ABTB1: variants seen among roughly 807,000 people sequenced by gnomAD.
ABTB1 encodes ankyrin repeat and BTB domain containing 1.
A neutral mutation model predicts 57.1 loss-of-function variants in ABTB1; 45 were observed. That is an observed-to-expected ratio of 0.79 (90% confidence interval 0.62 to 1.01). The LOEUF is 1.01. Among genes scored for constraint, ABTB1 ranks in the 50% least tolerant of loss-of-function variants. ABTB1 has a pLI of 0.00. For missense variants in ABTB1, 630 were observed against 666.3 expected, an observed-to-expected ratio of 0.95 and a Z score of 0.60; for synonymous variants, 302 against 275.4, an observed-to-expected ratio of 1.10 and a Z score of -0.95.
At position 127,677,256 on chromosome 3, in the gene ABTB1, G is replaced by A; in HGVS notation, c.732G>A (p.Leu244=). 2 of 1,594,692 alleles carry A rather than the reference G, an allele frequency of 1.3e-6. No homozygotes were observed. The highest frequency in any genetic ancestry group is 2.7e-5 in the African/African-American group (2 of 74,768). The change falls in exon 8 of 12, where the codon CTG becomes CTA. Residue 244 remains leucine (L), a synonymous_variant. Transcript: ENST00000232744. ...DPRLREDMAL[L]ADCALPPELR... ...GCCTCCGGGAGGACATGGCGCTGCTGGCCGATTGTGCCCTGCCCCCCGAGC... is the reference window on the plus strand; with the variant it reads ...GCCTCCGGGAGGACATGGCGCTGCTAGCCGATTGTGCCCTGCCCCCCGAGC...
At chr3:127,679,928 T>C (rs1158050788) in intron 10 of ABTB1, 57 bp from the exon 11 acceptor site, 1 of 1,575,556 alleles carries the variant, frequency 6.3e-7, no homozygotes, top group Non-Finnish European at 8.7e-7. Context: ...TTGGCTGTTG[T>C]GCCCTGGGAG....
rs147002334 is a variant in ABTB1, at chr3:127,675,975, C to A, written c.181C>A (p.Arg61Ser). Residue 61 changes from arginine (R) to serine (S), a missense_variant, in exon 4 of 12, where the codon CGC (arginine) becomes AGC (serine). Transcript: ENST00000232744. ...LVLYLLANGARCEANTFDGER... is the reference protein window; with the variant it reads ...LVLYLLANGASCEANTFDGER... ...GTGAGCCCTGCCTCCCCCAGGAGCC[C>A]GCTGCGAGGCCAACACCTTCGATGG... 2.9e-5 allele frequency: 47 copies of A among 1,605,856 alleles called. No homozygotes were observed. Among genetic ancestry groups the A allele is most frequent in the African/African-American group, 4.0e-5 (3 of 74,802 alleles).
chr3:127,677,533 A>T lies in ABTB1; in HGVS notation c.831A>T (p.Arg277=). The T allele has an allele frequency of 1.2e-6, 2 of 1,613,848 alleles. No individual in the cohort carries two copies. Among genetic ancestry groups the T allele is most frequent in the Non-Finnish European group, 1.7e-6 (2 of 1,179,976 alleles). ...ACAGCTGCCCTGACATCTGCTTCCG[A>T]GTGGCTGGCTGCAGCTTCCTCTGCC... ...GFNSCPDICF[R]VAGCSFLCHK... Residue 277 remains arginine, a synonymous_variant, in exon 9 of 12, where the codon CGA becomes CGT. Transcript: ENST00000232744.
chr3:127,675,437 C>T (rs782455), intron 3 of ABTB1: 104,104 of 159,816 alleles, frequency 0.65, 35,959 homozygotes, highest in African/African-American at 0.9. Flanking sequence ...CCACCACGCC[C>T]GGCAAGTTTT....
rs779240937 is a variant in ABTB1 at position 127,676,984 on chromosome 3, G to A, written c.544G>A (p.Val182Ile). 11 of 1,613,694 alleles carry A rather than the reference G, an allele frequency of 6.8e-6. No homozygotes were observed. The highest frequency in any genetic ancestry group is 1.1e-5 in the South Asian group (1 of 91,050). Residue 182 changes from valine to isoleucine, a missense_variant, in exon 7 of 12, where the codon GTA becomes ATA. Physicochemically the swap from Val to Ile is conservative, Grantham distance 29. Transcript: ENST00000232744. The surrounding 1 kb of genome is among the most constrained non-coding windows in gnomAD (Gnocchi z 5.4). ...GCCCCCAGGCCGCCTGGACATTGGC[G>A]TAGAGCATGTGAGTGACTGTGAGCG... ...YLYTGRLDIG[V>I]EHVSDCERLA...
intron 10 of ABTB1, chr3:127,678,317 T>TGCGTGCGCGTGTGCGTGC (rs1553749262): frequency 6.3e-6 from 1 of 157,812 alleles, no homozygotes; most frequent in Non-Finnish European, 1.4e-5. Flanking sequence ...AGTGTGTGTG[T>TGCGTGCGCGTGTGCGTGC]GCGTGCGCGT....
intron 3 of ABTB1, chr3:127,675,636 C>T (rs898847795): frequency 3.0e-6 from 1 of 338,302 alleles, no homozygotes; most frequent in Admixed American, 3.9e-5. Flanking sequence ...TCCTGCCTCA[C>T]TAGAGTATAA....
chr3:127,676,978 A>G lies in ABTB1; in HGVS notation c.538A>G (p.Ile180Val), dbSNP rs1376951246. The change falls in exon 7 of 12, where the codon ATT becomes GTT. Residue 180 changes from isoleucine to valine, a missense_variant. This residue lies in a region of ABTB1 where 579 missense variants were observed against 585.9 expected (regional missense o/e 0.99). Coordinates refer to ENST00000232744, the MANE Select transcript of ABTB1 (RefSeq NM_172027.3). This position sits in a 1 kb window ranked among gnomAD's most constrained non-coding sequence, Gnocchi z 5.4. ...CCCACTGCCCCCAGGCCGCCTGGAC[A>G]TTGGCGTAGAGCATGTGAGTGACTG... ...LQYLYTGRLD[I>V]GVEHVSDCER... 2.5e-6 allele frequency: 4 copies of G among 1,613,654 alleles called. No homozygotes were observed. In the South Asian group the frequency reaches 3.3e-5, roughly 13 times the overall value.
In ABTB1 at chr3:127,679,897, C is replaced by T. The variant is rs2075086300; in HGVS notation, c.1030-88C>T. On this transcript the variant is annotated intron_variant, in intron 10 of 11. Coordinates refer to ENST00000232744, the MANE Select transcript of ABTB1 (RefSeq NM_172027.3). ...TGGAAGCCTTCCCGCCAGTGCCCCC[C>T]AACCACCACAGGCCCTAGCCTTGGC... is the stretch of plus-strand genomic sequence containing the variant. 5.0e-6 allele frequency: 7 copies of T among 1,395,740 alleles called. No individual in the cohort carries two copies. In the East Asian group the frequency reaches 1.4e-4, roughly 27 times the overall value. The allele number at this position is 1,395,740 out of a possible 1,614,324, so 86.5% of individuals were successfully genotyped here. A position where few individuals can be genotyped will look rare whatever the true frequency, so the allele number is the denominator to read the frequency against.
At chr3:127,674,484 G>A (rs773540062) in intron 2 of ABTB1, 31 bp downstream of exon 2, 12 of 1,604,210 alleles carry the variant, frequency 7.5e-6, no homozygotes, top group South Asian at 3.3e-5. Flanking sequence ...TGGGGAGGGT[G>A]GGGGTTGGTG....
At position 127,680,776 on chromosome 3, in the gene ABTB1, C is replaced by T. The variant is rs532682262; in HGVS notation, c.*301C>T. On this transcript the variant is annotated 3_prime_UTR_variant, in exon 12 of 12. Coordinates refer to ENST00000232744, the MANE Select transcript of ABTB1 (RefSeq NM_172027.3). ...TTAGCACTTTCCTTCTCCAGATCCC[C>T]CCTACCCACCCCAGTCCCAAATCCA... The T allele has an allele frequency of 9.5e-5, 63 of 663,674 alleles. No individual in the cohort carries two copies. The highest frequency in any genetic ancestry group is 8.2e-4 in the South Asian group (46 of 56,318). The allele number at this position is 663,674 out of a possible 1,614,324, so 41.1% of individuals were successfully genotyped here. A position where few individuals can be genotyped will look rare whatever the true frequency, so the allele number is the denominator to read the frequency against.
rs772332485 is a variant in ABTB1 at position 127,677,701 on chromosome 3, A to ACTTCCGAGCCCTGCTGGATGACCACTTC, written c.889_916dup (p.Arg306LeufsTer7). 1.1e-5 allele frequency: 17 copies of ACTTCCGAGCCCTGCTGGATGACCACTTC among 1,609,596 alleles called. No homozygotes were observed. In the South Asian group the frequency reaches 1.8e-4, roughly 17 times the overall value. On this transcript the variant is annotated frameshift_variant, in exon 10 of 12. Coordinates refer to ENST00000232744, the MANE Select transcript of ABTB1 (RefSeq NM_172027.3). LOFTEE classifies it high-confidence loss of function. Reference sequence around the variant, plus strand: ...GCCTTTTTCTGTGGCCGCAGTGACTACTTCCGAGCCCTGCTGGATGACCAC... The same window carrying ACTTCCGAGCCCTGCTGGATGACCACTTC: ...GCCTTTTTCTGTGGCCGCAGTGACTACTTCCGAGCCCTGCTGGATGACCACTTCCTTCCGAGCCCTGCTGGATGACCAC...
In ABTB1 at chr3:127,677,033, G is replaced by A; in HGVS notation, c.593G>A (p.Trp198Ter). 1 of 1,614,138 alleles carries A rather than the reference G, an allele frequency of 6.2e-7. No individual in the cohort carries two copies. The highest frequency in any genetic ancestry group is 8.5e-7 in the Non-Finnish European group (1 of 1,180,010). The part of the protein sequence containing the change: ...CERLAKQCQL[W>*]DLLSDLEAKC... The stretch of plus-strand genomic sequence containing the variant: ...CGCCTGGCCAAGCAATGCCAGCTGT[G>A]GGACCTGCTCAGCGACCTGGAGGCC... Residue 198 changes from tryptophan (W) to a stop codon, truncating the protein, a stop_gained, in exon 7 of 12, where the codon TGG (tryptophan) becomes TAG (stop). Coordinates refer to ENST00000232744, the MANE Select transcript of ABTB1 (RefSeq NM_172027.3). LOFTEE classifies it high-confidence loss of function.
At position 127,680,065 on chromosome 3, in the gene ABTB1, C is replaced by T; in HGVS notation, c.1110C>T (p.Arg370=). 4 of 1,613,824 alleles carry T rather than the reference C, an allele frequency of 2.5e-6. No homozygotes were observed. Among genetic ancestry groups the T allele is most frequent in the Non-Finnish European group, 3.4e-6 (4 of 1,180,034 alleles). ...LLPGLKRLCG[R]SLAQMLDEDT... ...CAGGCCTGAAGAGGCTGTGCGGCCG[C>T]AGCCTGGCTCAGATGCTAGACGAGG... Residue 370 remains arginine (R), a synonymous_variant, in exon 11 of 12, where the codon CGC becomes CGT. Coordinates refer to ENST00000232744, the MANE Select transcript of ABTB1 (RefSeq NM_172027.3).
chr3:127,680,711 C>A lies in ABTB1; in HGVS notation c.*236C>A. On this transcript the variant is annotated 3_prime_UTR_variant, in exon 12 of 12. Transcript: ENST00000232744. ...CAGCCCCCAAGACCCTGGGGGTGGACACCACTCAGGGAAACCTGGGGTGGG... is the reference window on the plus strand; with the variant it reads ...CAGCCCCCAAGACCCTGGGGGTGGAAACCACTCAGGGAAACCTGGGGTGGG... 1 of 691,532 alleles carries A rather than the reference C, an allele frequency of 1.4e-6. No individual in the cohort carries two copies. The highest frequency in any genetic ancestry group is 2.6e-6 in the Non-Finnish European group (1 of 389,760). 42.8% of individuals were successfully genotyped at this position (691,532 alleles called of 1,614,324 possible).
At chr3:127,675,863 C>T in intron 3 of ABTB1, 107 bp from the exon 4 acceptor site, 3 of 1,458,100 alleles carry the variant, frequency 2.1e-6, no homozygotes, top group Non-Finnish European at 2.8e-6. Context: ...GAAGGCATCG[C>T]CAGAGATTCG....
Position 127,680,280 on chromosome 3 carries a change from G to T in ABTB1, c.1242G>T (p.Arg414=). The T allele has an allele frequency of 6.2e-7, 1 of 1,613,502 alleles. No homozygotes were observed. The highest frequency in any genetic ancestry group is 8.5e-7 in the Non-Finnish European group (1 of 1,179,824). ...CTTCCCGCTCATAGCTGGTGGAGCG[G>T]GAGGACTTCGTGGAGGCGGTGAAGG... ...MAKVIEKLVE[R]EDFVEAVKEE... The change falls in exon 12 of 12, where the codon CGG becomes CGT. Residue 414 remains arginine (R), a synonymous_variant. Coordinates refer to ENST00000232744, the MANE Select transcript of ABTB1 (RefSeq NM_172027.3).
rs1396568416 is a variant in ABTB1, at chr3:127,677,713, T to G, written c.899T>G (p.Leu300Arg). 1 of 1,609,692 alleles carries G rather than the reference T, an allele frequency of 6.2e-7. No homozygotes were observed. Among genetic ancestry groups the G allele is most frequent in the Non-Finnish European group, 8.5e-7 (1 of 1,177,962 alleles). ...GGCCGCAGTGACTACTTCCGAGCCC[T>G]GCTGGATGACCACTTCCGAGAGAGC... ...FCGRSDYFRA[L>R]LDDHFRESEE... is the part of the protein sequence containing the mutation. The change falls in exon 10 of 12, where the codon CTG (leucine) becomes CGG (arginine). Residue 300 changes from leucine (L) to arginine (R), a missense_variant. This residue lies in a region of ABTB1 where 579 missense variants were observed against 585.9 expected (regional missense o/e 0.99). Transcript: ENST00000232744.
At chr3:127,675,894 T>G (rs1327523909) in intron 3 of ABTB1, 76 bp from the exon 4 acceptor site, 23 of 1,551,696 alleles carry the variant, frequency 1.5e-5, no homozygotes, top group Non-Finnish European at 2.0e-5. Flanking sequence ...TGTGGGAAGG[T>G]GGGGAGGAGG....
Sources: gnomAD v4.1 joint callset for allele counts on GRCh38, gnomAD v4.1.1 for gene constraint, gnomAD v4.1.1 regional missense constraint, Gnocchi (gnomAD v3.1) non-coding constraint, MANE v1.5 for transcripts, NCBI Gene and HGNC (gene_info 2026-07-23, HGNC 2026-07-21) for gene names.